Variants in TMPRSS11D observed in about 807,000 individuals in gnomAD.
TMPRSS11D encodes the protein transmembrane protease serine 11D.
In TMPRSS11D, 32 loss-of-function variants were observed where a neutral mutation model predicts 44.4. That is an observed-to-expected ratio of 0.72 (90% CI 0.54 to 0.97). The LOEUF (loss-of-function observed/expected upper bound fraction) is 0.97. Ranked by LOEUF, TMPRSS11D falls within the 50% of genes least tolerant of loss-of-function variation. The pLI is 0.00. For synonymous variants in TMPRSS11D, 179 were observed against 177.9 expected (o/e 1.01, Z -0.05); for missense variants, 446 against 502.6 (o/e 0.89, Z 1.08).
At chr4:67,872,084 T>C (rs1645759393) in intron 1 of TMPRSS11D, among the ~76,000 whole-genome samples, 1 of 152,180 alleles carries the variant, frequency 6.6e-6, no homozygotes, top group African/African-American at 2.4e-5. Context: ...AGGGCACTGC[T>C]GTTCAATGTT....
intron 2 of TMPRSS11D, among the ~76,000 whole-genome samples, chr4:67,859,178 A>C (rs1033234155): frequency 1.3e-5 from 2 of 152,140 alleles, no homozygotes; most frequent in Non-Finnish European, 2.9e-5. Context: ...GAAATATTTC[A>C]CTGTTATGAT....
At chr4:67,877,521 G>A (rs1249393365) in intron 1 of TMPRSS11D, among the ~76,000 whole-genome samples, 1 of 152,152 alleles carries the variant, frequency 6.6e-6, no homozygotes, top group Non-Finnish European at 1.5e-5. Context: ...ATATCCAGCT[G>A]TATCTTTCAC....
intron 4 of TMPRSS11D, 41 bp downstream of exon 4, chr4:67,842,517 T>A: frequency 2.6e-6 from 4 of 1,527,428 alleles, no homozygotes; most frequent in Non-Finnish European, 3.6e-6. Context: ...GTATGCCACA[T>A]TGTATCTATA....
chr4:67,881,550 T>C (rs1719321124), intron 1 of TMPRSS11D, among the ~76,000 whole-genome samples: 1 of 152,218 alleles, frequency 6.6e-6, no homozygotes, highest in South Asian at 2.1e-4. Context: ...ACCTGCCTAA[T>C]TTCTATGAAG....
chr4:67,860,114 T>C (rs1718760821), intron 1 of TMPRSS11D, among the ~76,000 whole-genome samples: 1 of 151,966 alleles, frequency 6.6e-6, no homozygotes, highest in African/African-American at 2.4e-5. Flanking sequence ...GGAAGAAGTG[T>C]CGAGGAAGAT....
chr4:67,851,576 C>T (rs533644688), intron 3 of TMPRSS11D, among the ~76,000 whole-genome samples: 8 of 152,282 alleles, frequency 5.3e-5, no homozygotes, highest in African/African-American at 1.4e-4. Flanking sequence ...AGGAGCAGTT[C>T]GTTAGGGATT....
chr4:67,830,698 C>G lies in TMPRSS11D; in HGVS notation c.692+2506G>C, dbSNP rs184242556. ...CTCTTTTTTCTTTCCTTCCTTTTCT[C>G]TCTTCCCTCCCTCTCTTCCTTCCAC... On this transcript the variant is annotated intron_variant, in intron 7 of 9. Transcript: ENST00000283916. Among the ~76,000 whole-genome samples, 4 of 152,096 alleles carry G rather than the reference C, an allele frequency of 2.6e-5. No individual in the cohort carries two copies. In the East Asian group the frequency reaches 5.8e-4, roughly 22 times the overall value.
At chr4:67,868,210 A>G (rs1560548684) in intron 1 of TMPRSS11D, among the ~76,000 whole-genome samples, 1 of 152,122 alleles carries the variant, frequency 6.6e-6, no homozygotes, top group Non-Finnish European at 1.5e-5. Context: ...AGAAACAAAA[A>G]GTCAAATATT....
intron 1 of TMPRSS11D, among the ~76,000 whole-genome samples, chr4:67,877,582 A>C (rs1560551621): frequency 6.6e-6 from 1 of 152,194 alleles, no homozygotes; most frequent in Non-Finnish European, 1.5e-5. Context: ...TGAATTGATC[A>C]TCTTCTTTCT....
chr4:67,874,991 T>C (rs1002462131), intron 1 of TMPRSS11D, among the ~76,000 whole-genome samples: 2 of 152,234 alleles, frequency 1.3e-5, no homozygotes, highest in African/African-American at 4.8e-5. Flanking sequence ...TAATATTTAG[T>C]TGCATCAATA....
intron 1 of TMPRSS11D, among the ~76,000 whole-genome samples, chr4:67,865,567 T>C (rs1325012151): frequency 6.6e-6 from 1 of 151,196 alleles, no homozygotes; most frequent in Non-Finnish European, 1.5e-5. Context: ...TAAAGAAAAT[T>C]GATAGACCGC....
chr4:67,831,071 T>C (rs1446621191), intron 7 of TMPRSS11D, among the ~76,000 whole-genome samples: 2 of 152,104 alleles, frequency 1.3e-5, no homozygotes, highest in Non-Finnish European at 2.9e-5. Context: ...AATAAAAATA[T>C]AAGTAATTAT....
chr4:67,883,948 A>G lies in TMPRSS11D; in HGVS notation c.-15T>C. The G allele has an allele frequency of 6.2e-7, 1 of 1,601,434 alleles. No individual in the cohort carries two copies. The highest frequency in any genetic ancestry group is 2.3e-5 in the East Asian group (1 of 44,148). ...TACCTATACATTTTAATCCTTAATG[A>G]AGAGGTTCTTTTTTCTGCCTACTCA... On this transcript the variant is annotated 5_prime_UTR_variant, in exon 1 of 10. Coordinates refer to ENST00000283916, the MANE Select transcript of TMPRSS11D (RefSeq NM_004262.3).
At position 67,822,124 on chromosome 4, in the gene TMPRSS11D, A is replaced by G. The variant is rs1717656717; in HGVS notation, c.*213T>C. ...AGTGTGTTTCTTCTGTTACACAGCC[A>G]CAGTACTATGCAACATTCATATAGT... On this transcript the variant is annotated 3_prime_UTR_variant, in exon 10 of 10. Transcript: ENST00000283916. 1 of 522,994 alleles carries G rather than the reference A, an allele frequency of 1.9e-6. No individual in the cohort carries two copies. The highest frequency in any genetic ancestry group is 5.4e-4 in the Middle Eastern group (1 of 1,860). 32.4% of individuals were successfully genotyped at this position (522,994 alleles called of 1,614,324 possible). A position where few individuals can be genotyped will look rare whatever the true frequency, so the allele number is the denominator to read the frequency against.
intron 1 of TMPRSS11D, among the ~76,000 whole-genome samples, chr4:67,878,025 G>A (rs1271489527): frequency 6.6e-6 from 1 of 152,082 alleles, no homozygotes; most frequent in African/African-American, 2.4e-5. Flanking sequence ...TGAAAACGGG[G>A]TAATTTATAA....
intron 1 of TMPRSS11D, among the ~76,000 whole-genome samples, chr4:67,866,100 A>G (rs1718918765): frequency 1.3e-5 from 2 of 152,020 alleles, no homozygotes; most frequent in African/African-American, 4.8e-5. Context: ...AATCCTCAAC[A>G]AAATACTAGA....
intron 3 of TMPRSS11D, among the ~76,000 whole-genome samples, chr4:67,850,451 G>GA (rs955979825): frequency 2.8e-5 from 4 of 142,406 alleles, no homozygotes; most frequent in African/African-American, 1.0e-4. Flanking sequence ...CTTTGTGTGG[G>GA]AAAAAAAGGG....
intron 3 of TMPRSS11D, among the ~76,000 whole-genome samples, chr4:67,844,803 G>A (rs1718320767): frequency 6.6e-6 from 1 of 151,808 alleles, no homozygotes. Context: ...AAAGAAGAAG[G>A]CAAAAAGTCA....
At position 67,848,702 on chromosome 4, in the gene TMPRSS11D, A is replaced by G. The variant is rs573795838; in HGVS notation, c.249+5366T>C. Among the ~76,000 whole-genome samples, 31 of 152,354 alleles carry G rather than the reference A, an allele frequency of 2.0e-4. 1 individual carries two copies. In the South Asian group the frequency reaches 5.2e-3, roughly 25 times the overall value. On this transcript the variant is annotated intron_variant, in intron 3 of 9. Transcript: ENST00000283916. Reference sequence around the variant, plus strand: ...GGAAGGAAAAAGGCTCCTCAGCAGAATGAATGGCACATGCACAGTCCTGAG... The same window carrying G: ...GGAAGGAAAAAGGCTCCTCAGCAGAGTGAATGGCACATGCACAGTCCTGAG...
Sources: gnomAD v4.1 joint callset for allele counts (sites outside exome capture counted in the v4.1 genomes callset) on GRCh38, gnomAD v4.1.1 for gene constraint, MANE v1.5 for transcripts, NCBI Gene and HGNC (gene_info 2026-07-23, HGNC 2026-07-21) for gene names.